The following RPS6KC1 variants were observed in gnomAD, a reference collection of about 807,000 sequenced individuals.
RPS6KC1 encodes ribosomal protein S6 kinase C1.
Under a neutral mutation model 103.8 loss-of-function variants are expected in RPS6KC1, and 54 were observed. The observed-to-expected ratio is 0.52, with a 90% CI of 0.42 to 0.65. The LOEUF (loss-of-function observed/expected upper bound fraction) is 0.65. Among genes scored for constraint, RPS6KC1 ranks in the 30% least tolerant of loss-of-function variants. RPS6KC1 has a pLI of 0.00. For synonymous variants in RPS6KC1, 439 were observed against 438.7 expected, an observed-to-expected ratio of 1.00 and a Z score of -0.01; for missense variants, 1,151 against 1,253.8, an observed-to-expected ratio of 0.92 and a Z score of 1.24.
downstream of RPS6KC1, among the ~76,000 whole-genome samples, chr1:213,276,917 C>T (rs2095113745): frequency 6.6e-6 from 1 of 152,186 alleles, no homozygotes; most frequent in African/African-American, 2.4e-5. Flanking sequence ...GGTATTTGTA[C>T]ACCTGTTGCC....
At chr1:213,829,268 C>CAAAAAAAA in the RPS6KC1 span, among the ~76,000 whole-genome samples, 1 of 114,378 alleles carries the variant, frequency 8.7e-6, no homozygotes, top group Non-Finnish European at 1.7e-5. Flanking sequence ...TCGTTTGTTT[C>CAAAAAAAA]AAAAAAAAAA....
chr1:213,271,901 A>C (rs1046371404), intron 14 of RPS6KC1, among the ~76,000 whole-genome samples: 2 of 152,214 alleles, frequency 1.3e-5, no homozygotes, highest in African/African-American at 4.8e-5. Context: ...AAAGTTGTTA[A>C]CACAAAAATT....
At chr1:213,161,609 C>G (rs186623158) in intron 6 of RPS6KC1, among the ~76,000 whole-genome samples, 1 of 152,240 alleles carries the variant, frequency 6.6e-6, no homozygotes, top group Non-Finnish European at 1.5e-5. Context: ...GTGTGACCCA[C>G]TGCACCTGCC....
At chr1:213,508,519 C>A in the RPS6KC1 span, among the ~76,000 whole-genome samples, 1 of 151,680 alleles carries the variant, frequency 6.6e-6, no homozygotes, top group African/African-American at 2.4e-5. Flanking sequence ...CTGCCATCAC[C>A]AGTAAGGGGT....
chr1:213,741,607 C>G, the RPS6KC1 span, among the ~76,000 whole-genome samples: 6 of 152,142 alleles, frequency 3.9e-5, no homozygotes, highest in Non-Finnish European at 7.3e-5. Flanking sequence ...GCCACTACAG[C>G]AGAACAAACT....
chr1:213,713,837 A>T, the RPS6KC1 span, among the ~76,000 whole-genome samples: 1 of 152,228 alleles, frequency 6.6e-6, no homozygotes, highest in Admixed American at 6.5e-5. Flanking sequence ...AATTACAGAC[A>T]TATTTTGCAT....
At chr1:213,694,484 T>A in the RPS6KC1 span, among the ~76,000 whole-genome samples, 2 of 152,216 alleles carry the variant, frequency 1.3e-5, no homozygotes, top group African/African-American at 4.8e-5. Context: ...ATGGCTGATA[T>A]CCTGGGGTTC....
the RPS6KC1 span, among the ~76,000 whole-genome samples, chr1:213,857,905 A>G: frequency 6.6e-6 from 1 of 152,216 alleles, no homozygotes; most frequent in Non-Finnish European, 1.5e-5. Flanking sequence ...AGGGTTTAAC[A>G]AAGTGAAAAG....
At chr1:213,735,375 C>T in the RPS6KC1 span, among the ~76,000 whole-genome samples, 1 of 152,176 alleles carries the variant, frequency 6.6e-6, no homozygotes, top group African/African-American at 2.4e-5. Flanking sequence ...TAGGAAGGGG[C>T]TCTGCCAACT....
At chr1:213,695,386 A>G in the RPS6KC1 span, among the ~76,000 whole-genome samples, 1 of 152,164 alleles carries the variant, frequency 6.6e-6, no homozygotes, top group Non-Finnish European at 1.5e-5. Context: ...ACCTGTGAAG[A>G]AGTCACTGGA....
intron 14 of RPS6KC1, among the ~76,000 whole-genome samples, chr1:213,266,977 G>A (rs1298673819): frequency 1.3e-5 from 2 of 151,720 alleles, no homozygotes; most frequent in African/African-American, 2.4e-5. Context: ...AGAACAGTGG[G>A]ACTCTTGACT....
chr1:213,152,437 C>G (rs1437211711), intron 6 of RPS6KC1, among the ~76,000 whole-genome samples: 1 of 150,178 alleles, frequency 6.7e-6, no homozygotes, highest in Non-Finnish European at 1.5e-5. Flanking sequence ...CTCCTCACTT[C>G]CCAGACGGGG....
chr1:213,258,243 T>C (rs1273743819), intron 12 of RPS6KC1, among the ~76,000 whole-genome samples: 1 of 152,124 alleles, frequency 6.6e-6, no homozygotes, highest in East Asian at 1.9e-4. Context: ...AGTGCTGGGA[T>C]TACAGGCATG....
chr1:213,235,007 T>C (rs548957394), intron 10 of RPS6KC1, among the ~76,000 whole-genome samples: 30 of 152,352 alleles, frequency 2.0e-4, no homozygotes, highest in African/African-American at 5.5e-4. Flanking sequence ...ATGAACAGTG[T>C]GTTTTCTTTT....
chr1:213,052,115 G>A (rs914926678), intron 1 of RPS6KC1, among the ~76,000 whole-genome samples: 1 of 152,112 alleles, frequency 6.6e-6, no homozygotes, highest in African/African-American at 2.4e-5. Context: ...AAAGTTGGGA[G>A]GCTCCTTTAC....
chr1:213,548,788 G>A, the RPS6KC1 span, among the ~76,000 whole-genome samples: 1 of 152,174 alleles, frequency 6.6e-6, no homozygotes, highest in Admixed American at 6.5e-5. Context: ...TATATGGTGG[G>A]CTCATGGGAA....
chr1:213,142,195 C>A (rs944537637), intron 6 of RPS6KC1, among the ~76,000 whole-genome samples: 1 of 151,762 alleles, frequency 6.6e-6, no homozygotes, highest in Non-Finnish European at 1.5e-5. Flanking sequence ...GAATGGGAAC[C>A]CTGCTCTTTT....
intron 12 of RPS6KC1, among the ~76,000 whole-genome samples, chr1:213,251,004 A>G (rs1019791667): frequency 6.6e-6 from 1 of 151,782 alleles, no homozygotes; most frequent in African/African-American, 2.4e-5. Context: ...GGCACATTTT[A>G]TGGAATTAGG....
intron 6 of RPS6KC1, among the ~76,000 whole-genome samples, chr1:213,145,483 T>G (rs1052862113): frequency 1.3e-5 from 2 of 152,036 alleles, no homozygotes; most frequent in Admixed American, 1.3e-4. Flanking sequence ...ATACACAGAG[T>G]ACTCATTAGT....
Sources: gnomAD v4.1 joint callset for allele counts (sites outside exome capture counted in the v4.1 genomes callset) on GRCh38, gnomAD v4.1.1 for gene constraint, MANE v1.5 for transcripts, NCBI Gene and HGNC (gene_info 2026-07-23, HGNC 2026-07-21) for gene names.